Variants in CCDC178 observed in about 807,000 individuals in gnomAD.
CCDC178 encodes the protein coiled-coil domain containing 178, also known as coiled-coil domain-containing protein 178.
A neutral mutation model predicts 117.4 loss-of-function variants in CCDC178; 126 were observed. The ratio of observed to expected loss-of-function variants is 1.07; its 90% CI spans 0.93 to 1.24. The LOEUF is 1.24. Among genes scored for constraint, CCDC178 ranks in the 50% most tolerant of loss-of-function variants. The probability of loss-of-function intolerance (pLI) is 0.00; values close to 1 mark genes in which losing one functional copy is unlikely to be tolerated. For missense variants in CCDC178, 1,030 were observed against 986.9 expected (o/e 1.04, Z -0.59); for synonymous variants, 283 against 313.4 (o/e 0.90, Z 1.02).
chr18:33,169,879 C>T (rs573819774), intron 20 of CCDC178, among the ~76,000 whole-genome samples: 100 of 152,232 alleles, frequency 6.6e-4, no homozygotes, highest in South Asian at 2.3e-3. Context: ...ACCACCTCTA[C>T]GTATCATTGC....
At chr18:32,998,190 A>G (rs1568207692) in intron 21 of CCDC178, among the ~76,000 whole-genome samples, 1 of 152,190 alleles carries the variant, frequency 6.6e-6, no homozygotes, top group Non-Finnish European at 1.5e-5. Context: ...TGATTGTGGG[A>G]CTTTGCGTTG....
At chr18:33,173,628 T>C (rs1300384031) in intron 20 of CCDC178, among the ~76,000 whole-genome samples, 1 of 152,182 alleles carries the variant, frequency 6.6e-6, no homozygotes, top group African/African-American at 2.4e-5. Flanking sequence ...TTTCTCCAAG[T>C]CTGGTTCTGA....
chr18:33,367,768 T>C (rs971237307), intron 6 of CCDC178, among the ~76,000 whole-genome samples: 9 of 151,914 alleles, frequency 5.9e-5, no homozygotes, highest in African/African-American at 2.2e-4. Context: ...CACTAGCAAA[T>C]CTAACTGCAC....
chr18:33,243,396 T>C (rs938635888), intron 15 of CCDC178, among the ~76,000 whole-genome samples: 1 of 151,868 alleles, frequency 6.6e-6, no homozygotes, highest in Admixed American at 6.6e-5. Flanking sequence ...AAAGATGATA[T>C]TGAATATTTT....
At chr18:33,335,462 T>C (rs997978271) in intron 9 of CCDC178, among the ~76,000 whole-genome samples, 4 of 152,058 alleles carry the variant, frequency 2.6e-5, no homozygotes, top group African/African-American at 9.7e-5. Flanking sequence ...ATTGCCATTA[T>C]TACTTCCATG....
intron 20 of CCDC178, among the ~76,000 whole-genome samples, chr18:33,164,103 C>CTTTTT (rs34932085): frequency 9.0e-6 from 1 of 111,346 alleles, no homozygotes; most frequent in Non-Finnish European, 1.8e-5. Context: ...CGCTTACATT[C>CTTTTT]TTTTTTTTTT....
intron 19 of CCDC178, among the ~76,000 whole-genome samples, chr18:33,212,680 T>TTTTATTG (rs1457755229): frequency 2.6e-5 from 4 of 152,052 alleles, no homozygotes; most frequent in African/African-American, 9.7e-5. Context: ...TGATAGATTT[T>TTTTATTG]TTTATTGTTT....
chr18:33,383,577 T>A (rs566250035), intron 5 of CCDC178, among the ~76,000 whole-genome samples: 1 of 151,612 alleles, frequency 6.6e-6, no homozygotes, highest in Admixed American at 6.6e-5. Flanking sequence ...GCAAACAGAG[T>A]CTGGAGTGGA....
chr18:33,059,536 A>G (rs1263605441), intron 21 of CCDC178, among the ~76,000 whole-genome samples: 2 of 152,168 alleles, frequency 1.3e-5, no homozygotes, highest in African/African-American at 4.8e-5. Flanking sequence ...AAATGTAGAA[A>G]AAGGTCATAC....
chr18:33,012,059 A>C (rs1177462389), intron 21 of CCDC178, among the ~76,000 whole-genome samples: 2 of 152,180 alleles, frequency 1.3e-5, no homozygotes, highest in South Asian at 2.1e-4. Flanking sequence ...TAAGTGGGGA[A>C]ATTTGTGTGA....
Position 33,389,608 on chromosome 18 carries a change from A to C in CCDC178, c.140T>G (p.Leu47Trp). 6.6e-7 allele frequency: 1 copy of C among 1,508,894 alleles called. No homozygotes were observed. The allele number at this position is 1,508,894 out of a possible 1,614,324, so 93.5% of individuals were successfully genotyped here. ...TNEGNAMSQS[L>W]VLYGASKENS... is the part of the protein sequence containing the mutation. ...CTCCTTAGAGGCTCCATATAGAACC[A>C]AACTTTGAGACATGGCATTGCCTTT... The change falls in exon 5 of 23, where the codon TTG (leucine) becomes TGG (tryptophan). Residue 47 changes from leucine (L) to tryptophan (W), a missense_variant. Physicochemically the swap from Leu to Trp is moderately conservative, Grantham distance 61 (BLOSUM62 -2). Coordinates refer to ENST00000383096, the MANE Select transcript of CCDC178 (RefSeq NM_001105528.4).
intron 11 of CCDC178, among the ~76,000 whole-genome samples, chr18:33,302,319 G>A (rs1429771652): frequency 6.6e-6 from 1 of 152,124 alleles, no homozygotes; most frequent in Non-Finnish European, 1.5e-5. Flanking sequence ...CTGAGCCTCA[G>A]GTATTTCTTT....
At chr18:33,440,585 C>G (rs1164195902) in intron 1 of CCDC178, 68 bp downstream of exon 1, 6 of 151,896 alleles carry the variant, frequency 4.0e-5, no homozygotes, top group African/African-American at 1.4e-4. Context: ...GGGGAGTGGG[C>G]GCCGCCCGGC....
At chr18:33,005,825 A>G (rs975307488) in intron 21 of CCDC178, among the ~76,000 whole-genome samples, 2 of 152,040 alleles carry the variant, frequency 1.3e-5, no homozygotes, top group Non-Finnish European at 2.9e-5. Flanking sequence ...GAAAGTAATG[A>G]TCTTTTACGA....
At chr18:33,091,296 A>G (rs1466045350) in intron 21 of CCDC178, among the ~76,000 whole-genome samples, 1 of 130,048 alleles carries the variant, frequency 7.7e-6, no homozygotes, top group East Asian at 2.4e-4. Flanking sequence ...TGTATTATCA[A>G]TTCTTTCCCA....
chr18:33,179,090 T>A lies in CCDC178; in HGVS notation c.2238+32806A>T, dbSNP rs1259118379. ...AAAAAAAAAAAAAAATATATATATA[T>A]ATATATATATATATATATAAACTAT... On this transcript the variant is annotated intron_variant, in intron 20 of 22. Coordinates refer to ENST00000383096, the MANE Select transcript of CCDC178 (RefSeq NM_001105528.4). Among the ~76,000 whole-genome samples, 28 of 104,072 alleles carry A rather than the reference T, an allele frequency of 2.7e-4. 1 individual carries two copies. The highest frequency in any genetic ancestry group is 1.4e-3 in the African/African-American group (27 of 19,906). The allele number at this position is 104,072 out of a possible 152,430, so 68.3% of individuals were successfully genotyped here. A position where few individuals can be genotyped will look rare whatever the true frequency, so the allele number is the denominator to read the frequency against.
chr18:33,001,007 C>T lies in CCDC178; in HGVS notation c.2389-26326G>A, dbSNP rs553587638. Among the ~76,000 whole-genome samples the T allele has an allele frequency of 5.1e-4, 77 of 152,064 alleles. 1 individual carries two copies. The South Asian group carries it at 9.5e-3, about 19-fold the overall frequency. The stretch of plus-strand genomic sequence containing the variant: ...ATGAACTGATCAAAAATAATAACTA[C>T]GACAATTTTTCAAGACAGCATAATA... On this transcript the variant is annotated intron_variant, in intron 21 of 22. Transcript: ENST00000383096.
Position 33,346,271 on chromosome 18 carries a change from T to C in CCDC178, c.598A>G (p.Met200Val), listed in dbSNP as rs760842791. 8 of 1,613,788 alleles carry C rather than the reference T, an allele frequency of 5.0e-6. No individual in the cohort carries two copies. The highest frequency in any genetic ancestry group is 3.3e-4 in the Middle Eastern group (2 of 6,062). Reference protein sequence around the residue: ...QQRSRKNMINMKIDSWSVWKL... With the variant: ...QQRSRKNMINVKIDSWSVWKL... ...CAGACTGACCAAGAGTCAATTTTCATGTTAATCATATTCTTTCTTGATCTC... is the reference window on the plus strand; with the variant it reads ...CAGACTGACCAAGAGTCAATTTTCACGTTAATCATATTCTTTCTTGATCTC... The change falls in exon 9 of 23, where the codon ATG becomes GTG. Residue 200 changes from methionine (M) to valine (V), a missense_variant. Coordinates refer to ENST00000383096, the MANE Select transcript of CCDC178 (RefSeq NM_001105528.4).
At chr18:32,968,157 C>G (rs1315812129) in intron 22 of CCDC178, among the ~76,000 whole-genome samples, 5 of 151,850 alleles carry the variant, frequency 3.3e-5, no homozygotes, top group Non-Finnish European at 7.4e-5. Context: ...TCTCTAGCCT[C>G]TCCCCATTCT....
Sources: gnomAD v4.1 joint callset for allele counts (sites outside exome capture counted in the v4.1 genomes callset) on GRCh38, gnomAD v4.1.1 for gene constraint, MANE v1.5 for transcripts, NCBI Gene and HGNC (gene_info 2026-07-23, HGNC 2026-07-21) for gene names.